ACSL1: variants seen among roughly 807,000 people sequenced by gnomAD.
ACSL1 encodes acyl-CoA synthetase long chain family member 1.
In ACSL1, 41 loss-of-function variants were observed where a neutral mutation model predicts 98.4. The ratio of observed to expected loss-of-function variants is 0.42; its 90% CI spans 0.32 to 0.54. The LOEUF is 0.54. Among genes scored for constraint, ACSL1 ranks in the 20% least tolerant of loss-of-function variants. ACSL1 has a pLI of 0.13. For missense variants in ACSL1, 734 were observed against 883.1 expected, an observed-to-expected ratio of 0.83 and a Z score of 2.14; for synonymous variants, 316 against 322.7, an observed-to-expected ratio of 0.98 and a Z score of 0.22.
At chr4:184,777,345 C>T (rs1561197326) in intron 5 of ACSL1, among the ~76,000 whole-genome samples, 1 of 152,088 alleles carries the variant, frequency 6.6e-6, no homozygotes, top group Non-Finnish European at 1.5e-5. Context: ...CATGTCGCAG[C>T]TACTTGAGAG....
chr4:184,769,244 C>T lies in ACSL1; in HGVS notation c.994-794G>A, dbSNP rs1198821984. Among the ~76,000 whole-genome samples, 7 of 152,244 alleles carry T rather than the reference C, an allele frequency of 4.6e-5. No homozygotes were observed. The East Asian group carries it at 1.3e-3, about 29-fold the overall frequency. On this transcript the variant is annotated intron_variant, in intron 11 of 20. Coordinates refer to ENST00000281455, the MANE Select transcript of ACSL1 (RefSeq NM_001995.5). ...CACCAAGTATGATGAATTTGTGACA[C>T]CAGGGTATCTAATACCAGAGTGGCT... is the stretch of plus-strand genomic sequence containing the variant.
chr4:184,758,617 TC>T (rs1762438186), intron 18 of ACSL1: 1 of 152,306 alleles, frequency 6.6e-6, no homozygotes, highest in Non-Finnish European at 1.5e-5. Context: ...AATATCCCAT[TC>T]TTTATAATCT....
At chr4:184,775,296 T>A (rs901442364) in intron 7 of ACSL1, among the ~76,000 whole-genome samples, 15 of 152,212 alleles carry the variant, frequency 9.9e-5, no homozygotes, top group African/African-American at 3.4e-4. Flanking sequence ...ATGTCTTCTA[T>A]AAATTAATAT....
At chr4:184,767,841 T>C (rs1319887633) in intron 12 of ACSL1, among the ~76,000 whole-genome samples, 3 of 152,212 alleles carry the variant, frequency 2.0e-5, no homozygotes, top group Non-Finnish European at 4.4e-5. Flanking sequence ...GGTGTTCTCT[T>C]GGGCTCTGCT....
intron 5 of ACSL1, among the ~76,000 whole-genome samples, chr4:184,777,937 C>T (rs1478013731): frequency 2.0e-5 from 3 of 152,214 alleles, no homozygotes; most frequent in Non-Finnish European, 2.9e-5. Context: ...AGCAAAACAG[C>T]GGCTGTGGGG....
intron 1 of ACSL1, chr4:184,812,024 A>C: frequency 3.7e-6 from 1 of 272,594 alleles, no homozygotes; most frequent in South Asian, 1.4e-4. Context: ...ATGTGGGAGG[A>C]GGCGGCGGTT....
At chr4:184,777,524 G>A (rs1379327089) in intron 5 of ACSL1, among the ~76,000 whole-genome samples, 1 of 150,520 alleles carries the variant, frequency 6.6e-6, no homozygotes, top group Non-Finnish European at 1.5e-5. Context: ...GAGAGAGAAA[G>A]AAAGATGAGA....
chr4:184,776,013 T>A (rs1765231091), intron 7 of ACSL1, among the ~76,000 whole-genome samples: 1 of 152,160 alleles, frequency 6.6e-6, no homozygotes, highest in Admixed American at 6.5e-5. Context: ...TAAGAGTCAA[T>A]ATGAAAACAA....
rs765869417 is a variant in ACSL1 at position 184,773,805 on chromosome 4, CA to C, written c.789+37del. ...GTACCAGGCTAGATATTGAAAACTA[CA>C]AAGAGGACAGAGCAGGGTCTGACAC... On this transcript the variant is annotated intron_variant, in intron 8 of 20. Coordinates refer to ENST00000281455, the MANE Select transcript of ACSL1 (RefSeq NM_001995.5). The surrounding 1 kb of genome is among the most constrained non-coding windows in gnomAD (Gnocchi z 4.3). 1.9e-6 allele frequency: 3 copies of C among 1,613,498 alleles called. No individual in the cohort carries two copies. The South Asian group carries it at 3.3e-5, about 18-fold the overall frequency.
intron 1 of ACSL1, among the ~76,000 whole-genome samples, chr4:184,824,963 TTCTC>T (rs1276952582): frequency 6.6e-6 from 1 of 152,194 alleles, no homozygotes; most frequent in Non-Finnish European, 1.5e-5. Context: ...TTTAACCAGT[TTCTC>T]TCAACGCTAA....
At chr4:184,819,631 G>A (rs1038411779) in intron 1 of ACSL1, among the ~76,000 whole-genome samples, 1 of 152,100 alleles carries the variant, frequency 6.6e-6, no homozygotes, top group East Asian at 1.9e-4. Flanking sequence ...CATGCCGCCA[G>A]AGTTTGCTTT....
Position 184,773,652 on chromosome 4 carries a change from T to C in ACSL1, c.841+11A>G. 6.2e-7 allele frequency: 1 copy of C among 1,610,470 alleles called. No homozygotes were observed. Among genetic ancestry groups the C allele is most frequent in the Non-Finnish European group, 8.5e-7 (1 of 1,178,746 alleles). ...TGCCATATGTAGAAGCAATTCTATC[T>C]CAAAACTCACCTGTAGTTCCACTTG... is the stretch of plus-strand genomic sequence containing the variant. On this transcript the variant is annotated intron_variant, in intron 9 of 20. Transcript: ENST00000281455. This position sits in a 1 kb window ranked among gnomAD's most constrained non-coding sequence, Gnocchi z 4.3.
intron 7 of ACSL1, among the ~76,000 whole-genome samples, chr4:184,776,055 C>T (rs1312235819): frequency 6.6e-6 from 1 of 152,128 alleles, no homozygotes; most frequent in Non-Finnish European, 1.5e-5. Flanking sequence ...GGAAATTCAC[C>T]AAGACTCTCC....
intron 2 of ACSL1, among the ~76,000 whole-genome samples, chr4:184,789,883 CTTT>C (rs11309893): frequency 2.9e-4 from 43 of 146,598 alleles, no homozygotes; most frequent in Non-Finnish European, 3.3e-4. Flanking sequence ...TAGAGCCTAC[CTTT>C]TTTTTTTTTT....
intron 14 of ACSL1, 115 bp downstream of exon 14, chr4:184,765,776 G>A (rs1019929151): frequency 1.3e-5 from 10 of 789,798 alleles, no homozygotes; most frequent in South Asian, 2.0e-5. Context: ...ATATAGATAC[G>A]CTTGTCAATT....
At chr4:184,782,055 T>G (rs548309954) in intron 4 of ACSL1, among the ~76,000 whole-genome samples, 1 of 152,254 alleles carries the variant, frequency 6.6e-6, no homozygotes, top group Admixed American at 6.5e-5. Flanking sequence ...TGGCCCTGCC[T>G]ATGGGGAACA....
chr4:184,802,784 C>CT (rs2150440677), intron 2 of ACSL1, among the ~76,000 whole-genome samples: 1 of 152,314 alleles, frequency 6.6e-6, no homozygotes, highest in South Asian at 2.1e-4. Flanking sequence ...AGACGCGCCT[C>CT]TTGAGGGTTG....
At chr4:184,821,005 A>G in intron 1 of ACSL1, 1 of 456,202 alleles carries the variant, frequency 2.2e-6, no homozygotes, top group South Asian at 1.5e-5. Context: ...TGGTATGGGG[A>G]ACTTAATCTT....
At chr4:184,765,423 T>A (rs116353303) in intron 14 of ACSL1, among the ~76,000 whole-genome samples, 1 of 152,244 alleles carries the variant, frequency 6.6e-6, no homozygotes, top group Non-Finnish European at 1.5e-5. Context: ...AAAATATACA[T>A]ATGGTTGCTT....
Sources: gnomAD v4.1 joint callset for allele counts (sites outside exome capture counted in the v4.1 genomes callset) on GRCh38, gnomAD v4.1.1 for gene constraint, Gnocchi (gnomAD v3.1) non-coding constraint, MANE v1.5 for transcripts, NCBI Gene and HGNC (gene_info 2026-07-23, HGNC 2026-07-21) for gene names.